The following FBLN2 variants were observed in gnomAD, a reference collection of about 807,000 sequenced individuals.
FBLN2 encodes the protein fibulin 2.
In FBLN2, 81 loss-of-function variants were observed where a neutral mutation model predicts 123.7. The observed-to-expected ratio is 0.65, with a 90% confidence interval of 0.55 to 0.79. FBLN2 has a LOEUF of 0.79. FBLN2 is among the 30% of genes least tolerant of loss of function. The pLI, the probability that FBLN2 is intolerant of heterozygous loss-of-function variation, is 0.00. For synonymous variants in FBLN2, 699 were observed against 701.4 expected (o/e 1.00, Z 0.05); for missense variants, 1,603 against 1,681.3 (o/e 0.95, Z 0.81).
chr3:13,631,592 C>A, intron 16 of FBLN2, 135 bp downstream of exon 16: 1 of 1,052,552 alleles, frequency 9.5e-7, no homozygotes, highest in Non-Finnish European at 1.3e-6. Flanking sequence ...ATGGCCAATG[C>A]TACCAGTGGC....
chr3:13,564,727 A>G (rs1467592103), intron 1 of FBLN2, among the ~76,000 whole-genome samples: 1 of 152,224 alleles, frequency 6.6e-6, no homozygotes, highest in Non-Finnish European at 1.5e-5. Flanking sequence ...ACCTTTCCAC[A>G]GTGGCAGCAC....
At chr3:13,550,287 T>C (rs1324273298) in intron 1 of FBLN2, among the ~76,000 whole-genome samples, 1 of 152,222 alleles carries the variant, frequency 6.6e-6, no homozygotes, top group African/African-American at 2.4e-5. Flanking sequence ...TGGCTCAGCC[T>C]CAGGCTGGGC....
At chr3:13,549,443 C>T (rs1264087307) in intron 1 of FBLN2, among the ~76,000 whole-genome samples, 1 of 151,432 alleles carries the variant, frequency 6.6e-6, no homozygotes, top group Non-Finnish European at 1.5e-5. Context: ...GCACAGAGGC[C>T]GGCGCGGGGT....
intron 1 of FBLN2, among the ~76,000 whole-genome samples, chr3:13,565,795 T>C (rs1310112185): frequency 1.3e-5 from 2 of 152,122 alleles, no homozygotes; most frequent in Admixed American, 1.3e-4. Flanking sequence ...CCAGGGGCCA[T>C]ATGGACCTGG....
At chr3:13,614,973 TATCCATCCATCCATCCATCCATCCATCC>T (rs56688853) in intron 5 of FBLN2, among the ~76,000 whole-genome samples, 2 of 143,332 alleles carry the variant, frequency 1.4e-5, no homozygotes, top group African/African-American at 5.1e-5. Flanking sequence ...TCCATCTGCT[TATCCATCCATCCATCCATCCATCCATCC>T]ATCCATCCAT....
intron 9 of FBLN2, among the ~76,000 whole-genome samples, chr3:13,624,861 C>T (rs1705975613): frequency 6.6e-6 from 1 of 152,286 alleles, no homozygotes; most frequent in Non-Finnish European, 1.5e-5. Flanking sequence ...AGGTGCAGCA[C>T]CAGGAGGGGG....
chr3:13,579,866 A>G (rs1704267024), intron 2 of FBLN2, among the ~76,000 whole-genome samples: 1 of 152,196 alleles, frequency 6.6e-6, no homozygotes, highest in African/African-American at 2.4e-5. Flanking sequence ...GAAGCACACA[A>G]CTCAAATGAA....
At chr3:13,637,389 C>T (rs1706513390) in intron 17 of FBLN2, among the ~76,000 whole-genome samples, 173 bp from the exon 18 acceptor site, 1 of 152,170 alleles carries the variant, frequency 6.6e-6, no homozygotes, top group Non-Finnish European at 1.5e-5. Flanking sequence ...AACCTCATCT[C>T]GCAGGCAAGG....
At chr3:13,600,036 A>C (rs866282640) in intron 2 of FBLN2, among the ~76,000 whole-genome samples, 38 of 144,694 alleles carry the variant, frequency 2.6e-4, no homozygotes, top group South Asian at 4.2e-4. Context: ...AGAGAGAGAG[A>C]GAGAGAGAGC....
chr3:13,614,635 T>TGTCC (rs1705524058), intron 5 of FBLN2, among the ~76,000 whole-genome samples: 1 of 131,794 alleles, frequency 7.6e-6, no homozygotes, highest in Non-Finnish European at 1.6e-5. Flanking sequence ...CCCACCCAAT[T>TGTCC]ATCCATCCAT....
Position 13,588,607 on chromosome 3 carries a change from C to T in FBLN2, c.1306+16946C>T, listed in dbSNP as rs190216855. Among the ~76,000 whole-genome samples the T allele has an allele frequency of 3.0e-3, 450 of 152,356 alleles. 1 individual carries two copies. Among genetic ancestry groups the T allele is most frequent in the African/African-American group, 9.5e-3 (396 of 41,584 alleles). ...TCTTCTCCAGGCAGGACTTCTGAGT[C>T]AACGCCTCCCCGGCCAGCACGGATC... On this transcript the variant is annotated intron_variant, in intron 2 of 17. Coordinates refer to ENST00000404922, the MANE Select transcript of FBLN2 (RefSeq NM_001004019.2).
chr3:13,637,520 G>A, intron 17 of FBLN2, 42 bp from the exon 18 acceptor site: 1 of 1,522,536 alleles, frequency 6.6e-7, no homozygotes, highest in Non-Finnish European at 8.9e-7. Flanking sequence ...GGGATGAGGG[G>A]GGTGGGCGAG....
intron 2 of FBLN2, among the ~76,000 whole-genome samples, chr3:13,602,763 A>C (rs763578266): frequency 6.6e-6 from 1 of 152,154 alleles, no homozygotes; most frequent in East Asian, 1.9e-4. Context: ...CTATTGTATT[A>C]TAGTCATTAT....
chr3:13,572,982 G>A (rs1041144578), intron 2 of FBLN2, among the ~76,000 whole-genome samples: 2 of 152,130 alleles, frequency 1.3e-5, no homozygotes, highest in African/African-American at 4.8e-5. Flanking sequence ...CTGGAGAGGA[G>A]AGGCTTCAGG....
At chr3:13,625,061 G>T (rs971408424) in intron 9 of FBLN2, among the ~76,000 whole-genome samples, 2 of 151,122 alleles carry the variant, frequency 1.3e-5, no homozygotes, top group Non-Finnish European at 2.9e-5. Flanking sequence ...CTGTGGCCCC[G>T]GGGCAGTTTC....
rs550427906 is a variant in FBLN2, at chr3:13,611,921, GA to G, written c.1549-2062del. On this transcript the variant is annotated intron_variant, in intron 4 of 17. Coordinates refer to ENST00000404922, the MANE Select transcript of FBLN2 (RefSeq NM_001004019.2). Reference sequence around the variant, plus strand: ...GAGAAAAAAGGGAAACAGACATTGGGATGGATAGCTGGCTGTCTACAGCAGA... The same window carrying G: ...GAGAAAAAAGGGAAACAGACATTGGGTGGATAGCTGGCTGTCTACAGCAGA... Among the ~76,000 whole-genome samples the G allele has an allele frequency of 9.2e-5, 14 of 152,332 alleles. No homozygotes were observed. The East Asian group carries it at 2.7e-3, about 29-fold the overall frequency.
chr3:13,633,305 G>A (rs1263953286), intron 16 of FBLN2, among the ~76,000 whole-genome samples: 1 of 152,234 alleles, frequency 6.6e-6, no homozygotes, highest in Non-Finnish European at 1.5e-5. Flanking sequence ...CCTCTGCCCC[G>A]ACGACTTGCT....
chr3:13,560,627 G>T (rs914002374), intron 1 of FBLN2, among the ~76,000 whole-genome samples: 7 of 152,144 alleles, frequency 4.6e-5, no homozygotes, highest in African/African-American at 1.7e-4. Flanking sequence ...ACATTTGCCC[G>T]CGAGGAAATG....
intron 1 of FBLN2, among the ~76,000 whole-genome samples, chr3:13,558,709 C>G (rs906104127): frequency 1.9e-4 from 26 of 139,582 alleles, no homozygotes; most frequent in Admixed American, 7.2e-5. Flanking sequence ...ACTTACCCAC[C>G]CATCCACCCA....
Sources: allele counts gnomAD v4.1 joint callset (sites outside exome capture counted in the v4.1 genomes callset), GRCh38; gene constraint gnomAD v4.1.1; transcripts MANE v1.5; gene names NCBI Gene and HGNC (gene_info 2026-07-23, HGNC 2026-07-21).